SEZ6L: variants seen among roughly 807,000 people sequenced by gnomAD.
SEZ6L encodes the protein seizure 6-like protein.
SEZ6L carries 37 observed loss-of-function variants against 106.2 expected under a neutral mutation model. That is an observed-to-expected ratio of 0.35 (90% CI 0.27 to 0.46). The LOEUF (loss-of-function observed/expected upper bound fraction) is 0.46. Ranked by LOEUF, SEZ6L falls within the 20% of genes least tolerant of loss-of-function variation. The pLI, the probability that SEZ6L is intolerant of heterozygous loss-of-function variation, is 1.00. For missense variants in SEZ6L, 1,172 were observed against 1,332.8 expected (o/e 0.88, Z 1.88); for synonymous variants, 541 against 570.4 (o/e 0.95, Z 0.73).
chr22:26,332,312 G>C lies in SEZ6L; in HGVS notation c.2016-8124G>C, dbSNP rs148189330. On this transcript the variant is annotated intron_variant, in intron 9 of 16. Coordinates refer to ENST00000248933, the MANE Select transcript of SEZ6L (RefSeq NM_021115.5). Reference sequence around the variant, plus strand: ...CTACAAGTGCATGCCACCATGCCCAGCTTATTTTTGTACTTTTTGTAGAGA... The same window carrying C: ...CTACAAGTGCATGCCACCATGCCCACCTTATTTTTGTACTTTTTGTAGAGA... Among the ~76,000 whole-genome samples the C allele has an allele frequency of 6.0e-3, 915 of 151,902 alleles. 9 individuals carry two copies. The highest frequency in any genetic ancestry group is 0.021 in the African/African-American group (863 of 41,444).
At chr22:26,308,744 A>T (rs2081720781) in intron 6 of SEZ6L, among the ~76,000 whole-genome samples, 1 of 152,238 alleles carries the variant, frequency 6.6e-6, no homozygotes, top group Non-Finnish European at 1.5e-5. Flanking sequence ...ATTTGAGAGA[A>T]AATGTATTAC....
At chr22:26,370,002 TCTAA>T (rs1285117327) in intron 13 of SEZ6L, among the ~76,000 whole-genome samples, 2 of 152,234 alleles carry the variant, frequency 1.3e-5, no homozygotes, top group East Asian at 1.9e-4. Context: ...CTGTAAACCC[TCTAA>T]CTGTCACATG....
At chr22:26,361,031 C>T (rs1040586498) in intron 12 of SEZ6L, among the ~76,000 whole-genome samples, 3 of 152,118 alleles carry the variant, frequency 2.0e-5, no homozygotes, top group Non-Finnish European at 2.9e-5. Flanking sequence ...GATACCCACG[C>T]GGCTTTAAAC....
At chr22:26,182,795 G>A (rs1013514329) in intron 1 of SEZ6L, among the ~76,000 whole-genome samples, 2 of 151,784 alleles carry the variant, frequency 1.3e-5, no homozygotes, top group Non-Finnish European at 2.9e-5. Flanking sequence ...CAAGCAGAAG[G>A]CAGGGGTCCA....
intron 14 of SEZ6L, among the ~76,000 whole-genome samples, chr22:26,374,543 C>A (rs1218319505): frequency 6.6e-6 from 1 of 152,290 alleles, no homozygotes; most frequent in East Asian, 1.9e-4. Context: ...TTTTGCCAAC[C>A]AGTGAACCAT....
At chr22:26,199,811 C>T (rs370659562) in intron 1 of SEZ6L, among the ~76,000 whole-genome samples, 3 of 152,214 alleles carry the variant, frequency 2.0e-5, no homozygotes, top group African/African-American at 7.2e-5. Flanking sequence ...GACTTGAGGC[C>T]GAACTAAACA....
At chr22:26,267,573 T>A (rs1010929769) in intron 1 of SEZ6L, among the ~76,000 whole-genome samples, 6 of 152,152 alleles carry the variant, frequency 3.9e-5, no homozygotes, top group East Asian at 1.9e-4. Flanking sequence ...AGCAAATTAT[T>A]TGGGAAACAT....
At chr22:26,319,689 A>T (rs1304615668) in intron 9 of SEZ6L, among the ~76,000 whole-genome samples, 6 of 152,044 alleles carry the variant, frequency 3.9e-5, no homozygotes, top group Non-Finnish European at 8.8e-5. Context: ...CACACTACGC[A>T]TTGTGGTGTA....
At chr22:26,182,515 C>G (rs1939471203) in intron 1 of SEZ6L, among the ~76,000 whole-genome samples, 1 of 152,082 alleles carries the variant, frequency 6.6e-6, no homozygotes, top group Admixed American at 6.5e-5. Flanking sequence ...TGATCAAGAG[C>G]TTAGCACAGT....
chr22:26,239,852 CATTCATTTTGT>C (rs1375548302), intron 1 of SEZ6L, among the ~76,000 whole-genome samples: 1 of 152,022 alleles, frequency 6.6e-6, no homozygotes, highest in East Asian at 1.9e-4. Flanking sequence ...AGCACAAAGC[CATTCATTTTGT>C]ATTCATTCTC....
rs149518136 is a variant in SEZ6L at position 26,320,988 on chromosome 22, C to T, written c.2015+7086C>T. 3.3e-4 allele frequency among the ~76,000 whole-genome samples: 51 copies of T among 152,300 alleles called. 1 individual carries two copies. In the South Asian group the frequency reaches 4.1e-3, roughly 12 times the overall value. ...TGAAGCAGAGAAACCCTGATCTATGCTAAGACCTGAAAGACAGAGAGAAGA... is the reference window on the plus strand; with the variant it reads ...TGAAGCAGAGAAACCCTGATCTATGTTAAGACCTGAAAGACAGAGAGAAGA... On this transcript the variant is annotated intron_variant, in intron 9 of 16. Coordinates refer to ENST00000248933, the MANE Select transcript of SEZ6L (RefSeq NM_021115.5).
chr22:26,246,968 G>A (rs3886205), intron 1 of SEZ6L, among the ~76,000 whole-genome samples: 33,394 of 152,110 alleles, frequency 0.22, 4,345 homozygotes, highest in African/African-American at 0.36. Flanking sequence ...TTCTCACAGT[G>A]CTGAGTGCGA....
At chr22:26,377,630 C>T (rs2084272457) in intron 15 of SEZ6L, 43 bp from the exon 16 acceptor site, 3 of 1,485,740 alleles carry the variant, frequency 2.0e-6, no homozygotes, top group Non-Finnish European at 2.8e-6. Flanking sequence ...AATGTTTCTC[C>T]TAGCTGGGGA....
chr22:26,345,017 A>T (rs2082961958), intron 10 of SEZ6L, among the ~76,000 whole-genome samples: 3 of 152,190 alleles, frequency 2.0e-5, no homozygotes, highest in Admixed American at 6.5e-5. Flanking sequence ...GCCTCCACTT[A>T]GGGTGCTTGG....
At chr22:26,278,031 A>G (rs2080609642) in intron 1 of SEZ6L, among the ~76,000 whole-genome samples, 1 of 152,208 alleles carries the variant, frequency 6.6e-6, no homozygotes, top group Non-Finnish European at 1.5e-5. Context: ...ACTCAGGAGA[A>G]CTGAAATAAT....
intron 1 of SEZ6L, among the ~76,000 whole-genome samples, chr22:26,270,740 A>G (rs2080337684): frequency 6.6e-6 from 1 of 152,186 alleles, no homozygotes; most frequent in Non-Finnish European, 1.5e-5. Flanking sequence ...CCTCAAGCTT[A>G]AAGCCTGATT....
At chr22:26,341,713 G>C (rs938432552) in intron 10 of SEZ6L, among the ~76,000 whole-genome samples, 8 of 152,034 alleles carry the variant, frequency 5.3e-5, no homozygotes, top group Admixed American at 5.2e-4. Context: ...CCTGCTATCT[G>C]CCAATCCTAG....
At chr22:26,175,559 C>T (rs1938926997) in intron 1 of SEZ6L, among the ~76,000 whole-genome samples, 1 of 152,058 alleles carries the variant, frequency 6.6e-6, no homozygotes, top group African/African-American at 2.4e-5. Context: ...AGGACAGAAA[C>T]CAAAACCAAC....
intron 1 of SEZ6L, among the ~76,000 whole-genome samples, chr22:26,190,868 C>G (rs1409161892): frequency 1.3e-5 from 2 of 152,146 alleles, no homozygotes; most frequent in Non-Finnish European, 2.9e-5. Flanking sequence ...CATAAAGGAA[C>G]TGAGTGTGTG....
Sources: gnomAD v4.1 joint callset for allele counts (sites outside exome capture counted in the v4.1 genomes callset) on GRCh38, gnomAD v4.1.1 for gene constraint, MANE v1.5 for transcripts, NCBI Gene and HGNC (gene_info 2026-07-23, HGNC 2026-07-21) for gene names.